The following DPP10 variants were observed in gnomAD, a reference collection of about 807,000 sequenced individuals.
The protein encoded by DPP10 is inactive dipeptidyl peptidase 10.
In DPP10, 33 loss-of-function variants were observed where a neutral mutation model predicts 120.9. The ratio of observed to expected loss-of-function variants is 0.27; its 90% confidence interval spans 0.21 to 0.37. The LOEUF (loss-of-function observed/expected upper bound fraction) is 0.37, where lower values mean the gene tolerates loss of function less well. Among genes scored for constraint, DPP10 ranks in the 10% least tolerant of loss-of-function variants. The pLI, the probability that DPP10 is intolerant of heterozygous loss-of-function variation, is 1.00. For missense variants in DPP10, 816 were observed against 942.8 expected (o/e 0.87, Z 1.76); for synonymous variants, 337 against 326.1 (o/e 1.03, Z -0.36).
intron 1 of DPP10, among the ~76,000 whole-genome samples, chr2:114,575,231 G>C (rs900405219): frequency 1.3e-5 from 2 of 152,100 alleles, no homozygotes; most frequent in Non-Finnish European, 2.9e-5. Flanking sequence ...AATAAAGACA[G>C]GAGACAAAAG....
chr2:115,234,827 C>CT (rs1480782122), intron 1 of DPP10, among the ~76,000 whole-genome samples: 2 of 152,062 alleles, frequency 1.3e-5, no homozygotes, highest in Admixed American at 1.3e-4. Context: ...CATGCTTATA[C>CT]TTTAGTAGTC....
chr2:114,473,372 G>T (rs938374698), intron 1 of DPP10, among the ~76,000 whole-genome samples: 1 of 152,186 alleles, frequency 6.6e-6, no homozygotes, highest in Non-Finnish European at 1.5e-5. Flanking sequence ...GACAATTTCT[G>T]CCTTGTAGAC....
In DPP10 at chr2:115,836,700, T is replaced by A. The variant is rs1259592140; in HGVS notation, c.2136T>A (p.His712Gln). The stretch of plus-strand genomic sequence containing the variant: ...CAGCCAGTGTGCTACATAATGTTCA[T>A]GGCTTGAAAGAAGAAAATATATTAA... ...YQAASVLHNV[H>Q]GLKEENILII... Residue 712 changes from histidine (H) to glutamine (Q), a missense_variant, in exon 24 of 26, where the codon CAT (histidine) becomes CAA (glutamine). Physicochemically the swap from His to Gln is conservative, Grantham distance 24. Coordinates refer to ENST00000410059, the MANE Select transcript of DPP10 (RefSeq NM_020868.6). 1.1e-5 allele frequency: 17 copies of A among 1,613,464 alleles called. No individual in the cohort carries two copies. Among genetic ancestry groups the A allele is most frequent in the Non-Finnish European group, 1.4e-5 (17 of 1,179,754 alleles).
Position 115,378,291 on chromosome 2 carries a change from AGG to A in DPP10, c.271+34380_271+34381del, listed in dbSNP as rs1199491854. 3.8e-3 allele frequency among the ~76,000 whole-genome samples: 566 copies of A among 149,964 alleles called. 7 individuals carry two copies. Among genetic ancestry groups the A allele is most frequent in the African/African-American group, 0.012 (505 of 40,886 alleles). ...CACATCCCTTGTAAGTTGGATTCCTAGGTATTTTATTCTCTTTGAAGCAATTG... is the reference window on the plus strand; with the variant it reads ...CACATCCCTTGTAAGTTGGATTCCTATATTTTATTCTCTTTGAAGCAATTG... On this transcript the variant is annotated intron_variant, in intron 3 of 25. Coordinates refer to ENST00000410059, the MANE Select transcript of DPP10 (RefSeq NM_020868.6).
At chr2:114,595,033 G>A (rs1691794386) in intron 1 of DPP10, among the ~76,000 whole-genome samples, 1 of 151,824 alleles carries the variant, frequency 6.6e-6, no homozygotes, top group Non-Finnish European at 1.5e-5. Context: ...AAAACATGTT[G>A]GCCTCTCTGG....
intron 1 of DPP10, among the ~76,000 whole-genome samples, chr2:115,012,011 G>A (rs2105095720): frequency 6.6e-6 from 1 of 152,198 alleles, no homozygotes; most frequent in African/African-American, 2.4e-5. Context: ...GTGACTGCTG[G>A]CTTTCCCCTA....
chr2:115,088,768 A>AAAAAAAAAAAC (rs775985067), intron 1 of DPP10, among the ~76,000 whole-genome samples: 2,992 of 134,174 alleles, frequency 0.022, 190 homozygotes, highest in Non-Finnish European at 0.033. Context: ...AAAAAAAAAA[A>AAAAAAAAAAAC]ACCAAAAAAC....
At chr2:115,707,526 A>G (rs896883434) in intron 7 of DPP10, among the ~76,000 whole-genome samples, 1 of 151,610 alleles carries the variant, frequency 6.6e-6, no homozygotes, top group Non-Finnish European at 1.5e-5. Context: ...TTATACATCT[A>G]GTGATTCTGA....
intron 1 of DPP10, among the ~76,000 whole-genome samples, chr2:114,495,325 A>T (rs1034107754): frequency 2.0e-5 from 3 of 152,272 alleles, no homozygotes; most frequent in Admixed American, 2.0e-4. Flanking sequence ...GTTCAACCAC[A>T]TTTAACTCAT....
chr2:114,901,058 G>A (rs898431664), intron 1 of DPP10, among the ~76,000 whole-genome samples: 1 of 152,118 alleles, frequency 6.6e-6, no homozygotes, highest in African/African-American at 2.4e-5. Flanking sequence ...TAACATTGAA[G>A]CAAGAACAAA....
chr2:114,739,012 T>A (rs1340601830), intron 1 of DPP10, among the ~76,000 whole-genome samples: 1 of 152,182 alleles, frequency 6.6e-6, no homozygotes, highest in Non-Finnish European at 1.5e-5. Flanking sequence ...GAGTTTCCCT[T>A]CAACTCATCC....
At chr2:115,636,426 CTG>C (rs1222993774) in intron 5 of DPP10, among the ~76,000 whole-genome samples, 3 of 152,208 alleles carry the variant, frequency 2.0e-5, no homozygotes, top group East Asian at 3.9e-4. Flanking sequence ...TTTTATTAAA[CTG>C]TTTATTTTTC....
chr2:114,609,926 C>T (rs542697036), intron 1 of DPP10, among the ~76,000 whole-genome samples: 1 of 152,274 alleles, frequency 6.6e-6, no homozygotes, highest in South Asian at 2.1e-4. Flanking sequence ...ATCCCACATC[C>T]TTTGATGCCC....
intron 1 of DPP10, among the ~76,000 whole-genome samples, chr2:114,842,455 G>A (rs1688235877): frequency 2.0e-5 from 3 of 152,134 alleles, no homozygotes; most frequent in East Asian, 1.9e-4. Context: ...TCTATAGGAC[G>A]AGAAGAAAGA....
intron 21 of DPP10, among the ~76,000 whole-genome samples, chr2:115,833,559 G>C (rs1689145262): frequency 6.6e-6 from 1 of 152,052 alleles, no homozygotes; most frequent in African/African-American, 2.4e-5. Flanking sequence ...TCCGAAATTT[G>C]AAATGCTCCA....
At chr2:114,446,780 C>T (rs901242436) in intron 1 of DPP10, among the ~76,000 whole-genome samples, 1 of 152,048 alleles carries the variant, frequency 6.6e-6, no homozygotes, top group Non-Finnish European at 1.5e-5. Context: ...AGTCATTGTG[C>T]TAATAAAGAC....
At chr2:114,452,422 G>A (rs920169837) in intron 1 of DPP10, among the ~76,000 whole-genome samples, 11 of 152,108 alleles carry the variant, frequency 7.2e-5, no homozygotes, top group Admixed American at 7.2e-4. Context: ...AAATTAAAGT[G>A]CATTTGATGT....
intron 2 of DPP10, among the ~76,000 whole-genome samples, chr2:115,312,278 G>T (rs1380978727): frequency 2.6e-5 from 4 of 152,128 alleles, no homozygotes; most frequent in South Asian, 2.1e-4. Flanking sequence ...GTGCCTAGAA[G>T]ATTATGTAAA....
chr2:115,762,742 T>A, intron 12 of DPP10, 132 bp downstream of exon 12: 1 of 1,015,602 alleles, frequency 9.8e-7, no homozygotes, highest in Non-Finnish European at 1.5e-6. Flanking sequence ...CCTTTTTCAT[T>A]AAAAGGATCA....
Sources: allele counts gnomAD v4.1 joint callset (sites outside exome capture counted in the v4.1 genomes callset), GRCh38; gene constraint gnomAD v4.1.1; transcripts MANE v1.5; gene names NCBI Gene and HGNC (gene_info 2026-07-23, HGNC 2026-07-21).